Variants in PRDM5 observed in about 807,000 individuals in gnomAD.
PRDM5 encodes the protein PR domain zinc finger protein 5.
In PRDM5, 56 loss-of-function variants were observed where a neutral mutation model predicts 81.2. That is an observed-to-expected ratio of 0.69 (90% confidence interval 0.56 to 0.86). The LOEUF (loss-of-function observed/expected upper bound fraction) is 0.86. PRDM5 is among the 40% of genes least tolerant of loss of function. The pLI, the probability that PRDM5 is intolerant of heterozygous loss-of-function variation, is 0.00. For missense variants in PRDM5, 697 were observed against 770.1 expected (o/e 0.91, Z 1.12); for synonymous variants, 267 against 256.4 (o/e 1.04, Z -0.39).
intron 13 of PRDM5, among the ~76,000 whole-genome samples, chr4:120,761,058 ACTT>A (rs1163990149): frequency 6.6e-6 from 1 of 152,206 alleles, no homozygotes; most frequent in Non-Finnish European, 1.5e-5. Flanking sequence ...ATTCAGGCAG[ACTT>A]CTTGTAGCTC....
intron 3 of PRDM5, among the ~76,000 whole-genome samples, chr4:120,839,876 G>C (rs1194424880): frequency 6.6e-6 from 1 of 152,186 alleles, no homozygotes; most frequent in East Asian, 1.9e-4. Flanking sequence ...CGGGGGAGCT[G>C]AGGCAGCGGG....
intron 14 of PRDM5, among the ~76,000 whole-genome samples, chr4:120,741,969 G>A (rs1413164729): frequency 6.6e-6 from 1 of 152,224 alleles, no homozygotes; most frequent in African/African-American, 2.4e-5. Context: ...TCCACCTCTA[G>A]GGGCAGGGCA....
chr4:120,736,197 TTTTGTG>T (rs1561024536), intron 14 of PRDM5, among the ~76,000 whole-genome samples: 3 of 105,386 alleles, frequency 2.8e-5, no homozygotes, highest in East Asian at 6.3e-4. Context: ...AATACTATCC[TTTTGTG>T]TGTGTGTGTG....
chr4:120,826,421 TA>T (rs1755991460), intron 3 of PRDM5, among the ~76,000 whole-genome samples: 2 of 152,168 alleles, frequency 1.3e-5, no homozygotes, highest in Non-Finnish European at 1.5e-5. Context: ...TCAACTGTCT[TA>T]ACTTCAATTG....
intron 3 of PRDM5, among the ~76,000 whole-genome samples, chr4:120,827,225 C>CAG (rs1322723038): frequency 2.0e-5 from 3 of 152,148 alleles, no homozygotes; most frequent in Non-Finnish European, 4.4e-5. Context: ...TTGTATCAGA[C>CAG]TGGTCATTTT....
At chr4:120,773,964 T>G (rs1316456965) in intron 13 of PRDM5, among the ~76,000 whole-genome samples, 1 of 152,236 alleles carries the variant, frequency 6.6e-6, no homozygotes, top group South Asian at 2.1e-4. Flanking sequence ...TATAAAAATA[T>G]GTATGCTAAC....
chr4:120,806,533 G>T (rs747374684), intron 8 of PRDM5, among the ~76,000 whole-genome samples: 57 of 152,176 alleles, frequency 3.7e-4, no homozygotes, highest in Non-Finnish European at 6.9e-4. Context: ...AGAGGCCTCA[G>T]AAATAATACC....
At chr4:120,839,840 A>G (rs1757788464) in intron 3 of PRDM5, among the ~76,000 whole-genome samples, 1 of 152,194 alleles carries the variant, frequency 6.6e-6, no homozygotes, top group Non-Finnish European at 1.5e-5. Flanking sequence ...CAACCCCCCC[A>G]CACTCATTGG....
At chr4:120,758,839 C>T (rs1745176662) in intron 13 of PRDM5, among the ~76,000 whole-genome samples, 1 of 151,664 alleles carries the variant, frequency 6.6e-6, no homozygotes, top group Non-Finnish European at 1.5e-5. Context: ...CACTGCAAGC[C>T]CTGCCTCCCG....
intron 15 of PRDM5, among the ~76,000 whole-genome samples, chr4:120,704,242 T>C (rs142862394): frequency 6.6e-6 from 1 of 152,314 alleles, no homozygotes; most frequent in African/African-American, 2.4e-5. Flanking sequence ...TAAAACTGAC[T>C]ACCCAGACAT....
At chr4:120,905,867 G>C (rs1224411551) in intron 2 of PRDM5, among the ~76,000 whole-genome samples, 1 of 151,970 alleles carries the variant, frequency 6.6e-6, no homozygotes, top group African/African-American at 2.4e-5. Context: ...AAATAGTCTT[G>C]GGTCACAATG....
intron 3 of PRDM5, among the ~76,000 whole-genome samples, chr4:120,822,659 T>C (rs1015175312): frequency 5.3e-5 from 8 of 152,172 alleles, no homozygotes; most frequent in African/African-American, 1.7e-4. Flanking sequence ...ATATTCAACA[T>C]TGTCTTAGTT....
downstream of PRDM5, among the ~76,000 whole-genome samples, chr4:120,691,476 C>T (rs1734046173): frequency 2.0e-5 from 3 of 152,012 alleles, no homozygotes; most frequent in South Asian, 6.2e-4. Context: ...GGGGCAACAT[C>T]AAAATGATAA....
At position 120,714,046 on chromosome 4, in the gene PRDM5, TTA is replaced by T. The variant is rs1737396205; in HGVS notation, c.1624-3635_1624-3634del. ...CTCTCTAATACCATCACACTGATGG[TTA>T]GGATTTCACATAAGAATTTGGGGAG... On this transcript the variant is annotated intron_variant, in intron 14 of 15. Coordinates refer to ENST00000264808, the MANE Select transcript of PRDM5 (RefSeq NM_018699.4). 2.6e-5 allele frequency among the ~76,000 whole-genome samples: 4 copies of T among 152,182 alleles called. No homozygotes were observed. In the South Asian group the frequency reaches 8.3e-4, roughly 32 times the overall value.
chr4:120,831,369 C>A (rs1338627522), intron 3 of PRDM5, among the ~76,000 whole-genome samples: 1 of 152,096 alleles, frequency 6.6e-6, no homozygotes, highest in Admixed American at 6.6e-5. Context: ...TGTTTGCCCA[C>A]ACATTCTGTT....
intron 11 of PRDM5, among the ~76,000 whole-genome samples, chr4:120,783,070 T>A (rs1256081263): frequency 6.6e-6 from 1 of 152,144 alleles, no homozygotes; most frequent in Admixed American, 6.6e-5. Context: ...ATTTCCAAAA[T>A]CATTACAAGT....
intron 2 of PRDM5, among the ~76,000 whole-genome samples, chr4:120,873,779 T>TGAA (rs1281851819): frequency 6.6e-6 from 1 of 152,234 alleles, no homozygotes; most frequent in African/African-American, 2.4e-5. Flanking sequence ...CATTTGCCTT[T>TGAA]ATTTGCCATG....
intron 11 of PRDM5, among the ~76,000 whole-genome samples, chr4:120,782,269 A>G (rs148524899): frequency 8.3e-4 from 127 of 152,302 alleles, no homozygotes; most frequent in East Asian, 5.4e-3. Context: ...AATCATATTA[A>G]CATAGATTCC....
At chr4:120,792,813 G>C (rs907932438) in intron 10 of PRDM5, among the ~76,000 whole-genome samples, 2 of 152,068 alleles carry the variant, frequency 1.3e-5, no homozygotes, top group Non-Finnish European at 2.9e-5. Flanking sequence ...GGCACAGAAA[G>C]ACAAATACTG....
Sources: gnomAD v4.1 joint callset for allele counts (sites outside exome capture counted in the v4.1 genomes callset) on GRCh38, gnomAD v4.1.1 for gene constraint, MANE v1.5 for transcripts, NCBI Gene and HGNC (gene_info 2026-07-23, HGNC 2026-07-21) for gene names.